Variants in LARGE1 observed in about 807,000 individuals in gnomAD.
The protein encoded by LARGE1 is xylosyl- and glucuronyltransferase LARGE1.
A neutral mutation model predicts 87.6 loss-of-function variants in LARGE1; 43 were observed. That is an observed-to-expected ratio of 0.49 (90% CI 0.38 to 0.63). LARGE1 has a LOEUF of 0.63. Ranked by LOEUF, LARGE1 falls within the 30% of genes least tolerant of loss-of-function variation. The pLI is 0.00. For missense variants in LARGE1, 802 were observed against 1,000.2 expected (o/e 0.80, Z 2.67); for synonymous variants, 434 against 394.6 (o/e 1.10, Z -1.18).
chr22:33,381,842 C>T lies in LARGE1; in HGVS notation c.1131+77G>A, dbSNP rs893582476. ...TCTCACCACATTGCACATAAATCTC[C>T]CAGCCATCCATGCCCCTGGGAGGTC... On this transcript the variant is annotated intron_variant, in intron 9 of 14. Coordinates refer to ENST00000397394, the MANE Select transcript of LARGE1 (RefSeq NM_133642.5). 37 of 1,584,964 alleles carry T rather than the reference C, an allele frequency of 2.3e-5. No homozygotes were observed. The African/African-American group carries it at 3.5e-4, about 15-fold the overall frequency.
At chr22:33,494,032 C>T (rs1415884348) in intron 6 of LARGE1, among the ~76,000 whole-genome samples, 3 of 152,244 alleles carry the variant, frequency 2.0e-5, no homozygotes, top group East Asian at 1.9e-4. Context: ...ATGCCCACTC[C>T]GTGGCTAACA....
chr22:33,567,181 C>T (rs2078052844), intron 5 of LARGE1, among the ~76,000 whole-genome samples: 1 of 152,110 alleles, frequency 6.6e-6, no homozygotes, highest in Non-Finnish European at 1.5e-5. Context: ...TCCTGTGTGC[C>T]ACCATCACTA....
intron 4 of LARGE1, among the ~76,000 whole-genome samples, chr22:33,616,895 T>C (rs555307912): frequency 1.8e-4 from 28 of 152,260 alleles, no homozygotes; most frequent in Non-Finnish European, 3.5e-4. Flanking sequence ...TGAGGATAGT[T>C]GCACAATTCT....
At chr22:33,588,031 T>G (rs2078727768) in intron 5 of LARGE1, among the ~76,000 whole-genome samples, 1 of 152,210 alleles carries the variant, frequency 6.6e-6, no homozygotes, top group Admixed American at 6.5e-5. Context: ...TCTTTTTATG[T>G]TCACGGCAGA....
At chr22:33,905,730 C>T (rs1295932581) in intron 1 of LARGE1, among the ~76,000 whole-genome samples, 1 of 152,142 alleles carries the variant, frequency 6.6e-6, no homozygotes, top group African/African-American at 2.4e-5. Context: ...CCTCAACATA[C>T]CAATTTCAAA....
rs118110379 is a variant in LARGE1 at position 33,485,738 on chromosome 22, C to T, written c.788-53473G>A. On this transcript the variant is annotated intron_variant, in intron 6 of 14. Coordinates refer to ENST00000397394, the MANE Select transcript of LARGE1 (RefSeq NM_133642.5). ...CCATCAGTTCCAATGCCACATTATC[C>T]GTGAGGCTACTCTGATCCACACCCC... Among the ~76,000 whole-genome samples the T allele has an allele frequency of 3.2e-3, 481 of 152,104 alleles. 3 individuals carry two copies. The highest frequency in any genetic ancestry group is 0.021 in the South Asian group (100 of 4,812).
intron 7 of LARGE1, among the ~76,000 whole-genome samples, chr22:33,393,941 A>G (rs1386402650): frequency 6.6e-6 from 1 of 152,216 alleles, no homozygotes; most frequent in Non-Finnish European, 1.5e-5. Context: ...TCATCTGTGG[A>G]TCAGAGGGCC....
In LARGE1 at chr22:33,878,582, T is replaced by G. The variant is rs868198314; in HGVS notation, c.-83+41413A>C. On this transcript the variant is annotated intron_variant, in intron 1 of 14. Coordinates refer to ENST00000397394, the MANE Select transcript of LARGE1 (RefSeq NM_133642.5). ...TATATAAATACATTAACTTCATGGA[T>G]GTAGAAACTAAACATGAACCTGATG... Among the ~76,000 whole-genome samples the G allele has an allele frequency of 2.6e-5, 4 of 152,236 alleles. No homozygotes were observed. In the South Asian group the frequency reaches 8.3e-4, roughly 31 times the overall value.
chr22:33,698,964 G>A (rs1431057940), intron 2 of LARGE1, among the ~76,000 whole-genome samples: 1 of 152,164 alleles, frequency 6.6e-6, no homozygotes, highest in African/African-American at 2.4e-5. Context: ...CCTGGTGACT[G>A]GCACATAGCA....
chr22:33,888,374 A>T (rs1366290517), intron 1 of LARGE1, among the ~76,000 whole-genome samples: 1 of 152,184 alleles, frequency 6.6e-6, no homozygotes, highest in African/African-American at 2.4e-5. Flanking sequence ...ATCTTCAATG[A>T]CCTCATGAAA....
At chr22:33,636,344 A>G (rs1417645767) in intron 3 of LARGE1, among the ~76,000 whole-genome samples, 2 of 152,050 alleles carry the variant, frequency 1.3e-5, no homozygotes, top group South Asian at 4.1e-4. Flanking sequence ...ATCACTCAAC[A>G]ATGATCAGTG....
chr22:33,834,060 G>A (rs970927570), intron 1 of LARGE1, among the ~76,000 whole-genome samples: 9 of 152,130 alleles, frequency 5.9e-5, no homozygotes, highest in African/African-American at 2.2e-4. Context: ...CTCAGCCACC[G>A]AGTGGGAAAG....
At chr22:33,407,122 A>T (rs1284081376) in intron 7 of LARGE1, among the ~76,000 whole-genome samples, 4 of 152,090 alleles carry the variant, frequency 2.6e-5, no homozygotes, top group African/African-American at 7.2e-5. Flanking sequence ...ACTGAACTCT[A>T]TGCCTATACC....
chr22:33,109,991 A>G, the LARGE1 span, among the ~76,000 whole-genome samples: 1 of 152,224 alleles, frequency 6.6e-6, no homozygotes, highest in South Asian at 2.1e-4. Flanking sequence ...TAAATCACCC[A>G]GTCTCAGGGA....
chr22:33,704,965 G>A (rs1284207495), intron 2 of LARGE1: 2 of 152,306 alleles, frequency 1.3e-5, no homozygotes, highest in Non-Finnish European at 2.9e-5. Context: ...GGAGGACCCA[G>A]GCACAAGAAA....
intron 6 of LARGE1, among the ~76,000 whole-genome samples, chr22:33,534,569 A>T (rs1225675605): frequency 6.6e-6 from 1 of 152,238 alleles, no homozygotes; most frequent in Non-Finnish European, 1.5e-5. Flanking sequence ...CTGACCTGTC[A>T]CACAAATGGC....
chr22:33,143,553 C>A, the LARGE1 span, among the ~76,000 whole-genome samples: 2 of 152,064 alleles, frequency 1.3e-5, no homozygotes, highest in Admixed American at 1.3e-4. Context: ...ATAAAATTAA[C>A]CCATTGCATG....
intron 2 of LARGE1, among the ~76,000 whole-genome samples, chr22:33,676,545 C>A (rs2081584394): frequency 6.6e-6 from 1 of 150,576 alleles, no homozygotes; most frequent in Non-Finnish European, 1.5e-5. Flanking sequence ...GCTAAATCTA[C>A]AATATCTGCC....
Position 33,749,011 on chromosome 22 carries a change from G to C in LARGE1, c.106+12360C>G, listed in dbSNP as rs562935056. ...TCCCAGGAGACTTTCCAGGATTCTA[G>C]AAAAATATGAGAATGAAAGGAAAAA... On this transcript the variant is annotated intron_variant, in intron 2 of 14. Transcript: ENST00000397394. 5.3e-5 allele frequency among the ~76,000 whole-genome samples: 8 copies of C among 152,318 alleles called. No homozygotes were observed. The South Asian group carries it at 1.7e-3, about 32-fold the overall frequency.
Sources: allele counts gnomAD v4.1 joint callset (sites outside exome capture counted in the v4.1 genomes callset), GRCh38; gene constraint gnomAD v4.1.1; transcripts MANE v1.5; gene names NCBI Gene and HGNC (gene_info 2026-07-23, HGNC 2026-07-21).